GRIK2: variants seen among roughly 807,000 people sequenced by gnomAD.
The protein encoded by GRIK2 is glutamate ionotropic receptor kainate type subunit 2, also known as glutamate receptor ionotropic, kainate 2.
A neutral mutation model predicts 100.3 loss-of-function variants in GRIK2; 32 were observed. The observed-to-expected ratio is 0.32, with a 90% CI of 0.24 to 0.43. The LOEUF is 0.43. GRIK2 is among the 20% of genes least tolerant of loss of function. The pLI, the probability that GRIK2 is intolerant of heterozygous loss-of-function variation, is 1.00. For missense variants in GRIK2, 843 were observed against 1,114.9 expected (o/e 0.76, Z 3.47); for synonymous variants, 417 against 389.4 (o/e 1.07, Z -0.83).
intron 2 of GRIK2, among the ~76,000 whole-genome samples, chr6:101,409,128 G>C (rs947034154): frequency 1.3e-5 from 2 of 149,620 alleles, no homozygotes; most frequent in Non-Finnish European, 3.0e-5. Context: ...GTGTGTGTGT[G>C]TGTGTGTGTG....
chr6:101,716,228 A>G (rs1218712819), intron 7 of GRIK2, among the ~76,000 whole-genome samples: 9 of 151,718 alleles, frequency 5.9e-5, no homozygotes, highest in Non-Finnish European at 1.3e-4. Context: ...TTAATAGTCA[A>G]AGGGAAAAGG....
At chr6:101,982,102 T>C (rs1793746058) in intron 14 of GRIK2, among the ~76,000 whole-genome samples, 1 of 151,968 alleles carries the variant, frequency 6.6e-6, no homozygotes, top group Admixed American at 6.6e-5. Context: ...TACTAGAATC[T>C]TACAATTTGT....
At chr6:102,068,270 G>T (rs2114545355) in intron 16 of GRIK2, 77 bp from the exon 17 acceptor site, 1 of 1,058,302 alleles carries the variant, frequency 9.4e-7, no homozygotes, top group African/African-American at 1.6e-5. Context: ...GTCTGTTGAG[G>T]ATGATTTTAA....
At chr6:101,571,171 T>G (rs1203127622) in intron 2 of GRIK2, among the ~76,000 whole-genome samples, 1 of 152,190 alleles carries the variant, frequency 6.6e-6, no homozygotes, top group Non-Finnish European at 1.5e-5. Flanking sequence ...AGCAATATCC[T>G]TTAACTTGCA....
intron 2 of GRIK2, among the ~76,000 whole-genome samples, chr6:101,601,735 G>C (rs1041558185): frequency 4.0e-5 from 6 of 151,770 alleles, no homozygotes; most frequent in Non-Finnish European, 7.4e-5. Flanking sequence ...GTTCATAATA[G>C]TCTCTGAGGA....
At chr6:101,963,727 A>G (rs371888163) in intron 14 of GRIK2, among the ~76,000 whole-genome samples, 1 of 151,672 alleles carries the variant, frequency 6.6e-6, no homozygotes, top group African/African-American at 2.4e-5. Flanking sequence ...TAATTTTTGT[A>G]CATATTATAT....
intron 15 of GRIK2, among the ~76,000 whole-genome samples, chr6:102,041,740 T>C (rs983021361): frequency 1.3e-5 from 2 of 151,442 alleles, no homozygotes; most frequent in Non-Finnish European, 3.0e-5. Flanking sequence ...TCAGAATAGG[T>C]AGCATAAAGA....
intron 2 of GRIK2, among the ~76,000 whole-genome samples, chr6:101,472,276 C>T (rs2128256608): frequency 6.6e-6 from 1 of 151,686 alleles, no homozygotes; most frequent in African/African-American, 2.4e-5. Context: ...CAAAGATGTC[C>T]TTTCCTTTAT....
chr6:101,482,189 T>C (rs1332260325), intron 2 of GRIK2, among the ~76,000 whole-genome samples: 2 of 152,236 alleles, frequency 1.3e-5, no homozygotes, highest in African/African-American at 4.8e-5. Flanking sequence ...TGTATTCCTC[T>C]CAGTTAAGTA....
intron 2 of GRIK2, among the ~76,000 whole-genome samples, chr6:101,537,474 G>GTA (rs1282366511): frequency 3.3e-5 from 5 of 150,740 alleles, no homozygotes; most frequent in Non-Finnish European, 7.4e-5. Context: ...GTGTGTGTGT[G>GTA]TGTTTAAGCA....
intron 2 of GRIK2, among the ~76,000 whole-genome samples, chr6:101,593,901 T>TA (rs1416978393): frequency 6.6e-6 from 1 of 151,808 alleles, no homozygotes; most frequent in South Asian, 2.1e-4. Flanking sequence ...AGTATTTCTC[T>TA]AAAATGAATA....
At chr6:101,987,478 AG>A (rs1339149726) in intron 14 of GRIK2, among the ~76,000 whole-genome samples, 2 of 151,640 alleles carry the variant, frequency 1.3e-5, no homozygotes, top group Non-Finnish European at 3.0e-5. Context: ...TTTCTGTAAA[AG>A]TAATGAAAAT....
chr6:101,699,133 C>G (rs991707991), intron 7 of GRIK2, among the ~76,000 whole-genome samples: 1 of 152,144 alleles, frequency 6.6e-6, no homozygotes, highest in Non-Finnish European at 1.5e-5. Flanking sequence ...GTTTGAAGTA[C>G]TCCAGAAAGT....
intron 6 of GRIK2, among the ~76,000 whole-genome samples, chr6:101,685,451 G>A (rs1771608335): frequency 6.6e-6 from 1 of 152,096 alleles, no homozygotes; most frequent in Non-Finnish European, 1.5e-5. Context: ...ACTAGAAAGA[G>A]GGCAAAACTC....
chr6:101,455,626 A>C (rs1770962839), intron 2 of GRIK2, among the ~76,000 whole-genome samples: 1 of 152,072 alleles, frequency 6.6e-6, no homozygotes, highest in Admixed American at 6.6e-5. Context: ...AGTCCTTATA[A>C]ATTGAGTGTC....
At chr6:101,690,805 C>CT (rs202211171) in intron 7 of GRIK2, among the ~76,000 whole-genome samples, 15 of 152,200 alleles carry the variant, frequency 9.9e-5, no homozygotes, top group African/African-American at 3.4e-4. Flanking sequence ...AACCACTTAC[C>CT]TTTTTTTGAA....
At chr6:101,924,103 T>C (rs1369257424) in intron 12 of GRIK2, among the ~76,000 whole-genome samples, 1 of 152,098 alleles carries the variant, frequency 6.6e-6, no homozygotes, top group Non-Finnish European at 1.5e-5. Context: ...CATAGAATCA[T>C]TTTGTTAGAT....
intron 15 of GRIK2, among the ~76,000 whole-genome samples, chr6:102,049,415 A>C (rs909092175): frequency 6.6e-6 from 1 of 152,142 alleles, no homozygotes; most frequent in Non-Finnish European, 1.5e-5. Flanking sequence ...AAAGCCATAC[A>C]AATTGAATTT....
chr6:101,585,525 TA>T (rs1267791204), intron 2 of GRIK2, among the ~76,000 whole-genome samples: 1 of 151,962 alleles, frequency 6.6e-6, no homozygotes, highest in Non-Finnish European at 1.5e-5. Context: ...ACAATACAAA[TA>T]AAAAGGTAGC....
Sources: gnomAD v4.1 joint callset for allele counts (sites outside exome capture counted in the v4.1 genomes callset) on GRCh38, gnomAD v4.1.1 for gene constraint, MANE v1.5 for transcripts, NCBI Gene and HGNC (gene_info 2026-07-23, HGNC 2026-07-21) for gene names.